Variants in SNX8 observed in about 807,000 individuals in gnomAD.
The protein encoded by SNX8 is sorting nexin 8.
In SNX8, 25 loss-of-function variants were observed where a neutral mutation model predicts 51.6. The ratio of observed to expected loss-of-function variants is 0.48; its 90% CI spans 0.35 to 0.68. SNX8 has a LOEUF of 0.68. SNX8 is among the 30% of genes least tolerant of loss of function. SNX8 has a pLI of 0.00. For missense variants in SNX8, 695 were observed against 624.0 expected, an observed-to-expected ratio of 1.11 and a Z score of -1.21; for synonymous variants, 324 against 277.0, an observed-to-expected ratio of 1.17 and a Z score of -1.68.
intron 1 of SNX8, among the ~76,000 whole-genome samples, chr7:2,282,099 G>A (rs1241480811): frequency 6.6e-6 from 1 of 152,240 alleles, no homozygotes; most frequent in Non-Finnish European, 1.5e-5. Flanking sequence ...ATTCAGTGAG[G>A]TGGGAGAGCT....
At chr7:2,305,030 GCT>G (rs1562449521) in intron 1 of SNX8, among the ~76,000 whole-genome samples, 1 of 152,204 alleles carries the variant, frequency 6.6e-6, no homozygotes, top group East Asian at 1.9e-4. Flanking sequence ...GACAAGCCTT[GCT>G]GTTCCTGCAG....
chr7:2,346,596 A>C (rs905665744), intron 1 of SNX8, among the ~76,000 whole-genome samples: 1 of 151,758 alleles, frequency 6.6e-6, no homozygotes, highest in Non-Finnish European at 1.5e-5. Flanking sequence ...AATACAAAAA[A>C]TTAGCCGGGC....
chr7:2,296,443 C>T (rs1399631564), intron 1 of SNX8, among the ~76,000 whole-genome samples: 1 of 151,934 alleles, frequency 6.6e-6, no homozygotes, highest in African/African-American at 2.4e-5. Context: ...CCTGAAACTT[C>T]ACTGAATTCT....
At chr7:2,290,779 AC>A (rs1409544209) in intron 1 of SNX8, among the ~76,000 whole-genome samples, 2 of 152,134 alleles carry the variant, frequency 1.3e-5, no homozygotes, top group African/African-American at 4.8e-5. Context: ...ACCCTGCCAC[AC>A]TGAGTCCCGA....
In SNX8 at chr7:2,257,438, C is replaced by T. The variant is rs926171918; in HGVS notation, c.1061G>A (p.Arg354Lys). The T allele has an allele frequency of 6.2e-7, 1 of 1,610,684 alleles. No homozygotes were observed. The stretch of plus-strand genomic sequence containing the variant: ...CTGCGCGGTGGCGCTCATCATCTGC[C>T]TCTTCATCAGGCTGTACTTGTGCAG... Reference protein sequence around the residue: ...RALHKYSLMKRQMMSATAQNR... With the variant: ...RALHKYSLMKKQMMSATAQNR... The change falls in exon 9 of 11, where the codon AGG becomes AAG. Residue 354 changes from arginine (R) to lysine (K), a missense_variant. Coordinates refer to ENST00000222990, the MANE Select transcript of SNX8 (RefSeq NM_013321.4).
intron 1 of SNX8, chr7:2,309,939 A>T: frequency 2.2e-6 from 1 of 462,596 alleles, no homozygotes; most frequent in African/African-American, 2.0e-5. Flanking sequence ...GACCTGCCTC[A>T]ATGACACTCA....
At chr7:2,263,777 G>A (rs1012933518) in intron 6 of SNX8, among the ~76,000 whole-genome samples, 4 of 152,002 alleles carry the variant, frequency 2.6e-5, no homozygotes, top group Non-Finnish European at 5.9e-5. Flanking sequence ...GCAGTGGCGC[G>A]ATCTCGGCTC....
At position 2,252,357 on chromosome 7, in the gene SNX8, GC is replaced by G. The variant is rs1477807791; in HGVS notation, c.*2698del. 6.6e-6 allele frequency: 1 copy of G among 152,568 alleles called. No individual in the cohort carries two copies. Among genetic ancestry groups the G allele is most frequent in the Non-Finnish European group, 1.5e-5 (1 of 68,312 alleles). 9.5% of individuals were successfully genotyped at this position (152,568 alleles called of 1,614,324 possible). ...GGGCCTCCACCTGCAGCAGTAAGCA[GC>G]CTCTCAGCCCCTGAGCCTGGGGACC... On this transcript the variant is annotated 3_prime_UTR_variant, in exon 11 of 11. Coordinates refer to ENST00000222990, the MANE Select transcript of SNX8 (RefSeq NM_013321.4).
intron 1 of SNX8, among the ~76,000 whole-genome samples, chr7:2,325,831 CA>C (rs1349653782): frequency 2.0e-5 from 3 of 150,634 alleles, no homozygotes; most frequent in East Asian, 1.9e-4. Flanking sequence ...GACTCTGTCT[CA>C]AAAAAAATTT....
rs1304331491 is a variant in SNX8, at chr7:2,314,428, C to T, written c.-7G>A. 2.5e-6 allele frequency: 3 copies of T among 1,213,520 alleles called. No individual in the cohort carries two copies. Among genetic ancestry groups the T allele is most frequent in the African/African-American group, 3.1e-5 (2 of 63,532 alleles). The allele number at this position is 1,213,520 out of a possible 1,614,324, so 75.2% of individuals were successfully genotyped here. A position where few individuals can be genotyped will look rare whatever the true frequency, so the allele number is the denominator to read the frequency against. ...CCATCGCGCGGCCAGTCATGTGAGC[C>T]CGCGCTCCCACGTGACTTCCTCCCG... On this transcript the variant is annotated 5_prime_UTR_variant, in exon 1 of 11. Coordinates refer to ENST00000222990, the MANE Select transcript of SNX8 (RefSeq NM_013321.4).
In SNX8 at chr7:2,282,230, T is replaced by C. The variant is rs368290856; in HGVS notation, c.95-3925A>G. On this transcript the variant is annotated intron_variant, in intron 1 of 10. Coordinates refer to ENST00000222990, the MANE Select transcript of SNX8 (RefSeq NM_013321.4). ...CACTAAAACTCAGAATGCATTCCCC[T>C]CTCAGCAAGTTTTCGGTGGCGGTCA... Among the ~76,000 whole-genome samples the C allele has an allele frequency of 1.2e-4, 19 of 152,162 alleles. 1 individual carries two copies. The highest frequency in any genetic ancestry group is 1.0e-3 in the Admixed American group (16 of 15,262).
intron 1 of SNX8, among the ~76,000 whole-genome samples, chr7:2,284,870 C>T (rs925293106): frequency 6.6e-6 from 1 of 152,064 alleles, no homozygotes; most frequent in African/African-American, 2.4e-5. Flanking sequence ...TTAAAACCTT[C>T]TCTACTTACA....
chr7:2,302,192 C>G (rs1016025012), intron 1 of SNX8, among the ~76,000 whole-genome samples: 8 of 152,242 alleles, frequency 5.3e-5, no homozygotes, highest in Non-Finnish European at 1.2e-4. Context: ...CGGCTCACTG[C>G]AACCTCCCTG....
chr7:2,284,544 A>G (rs902512934), intron 1 of SNX8, among the ~76,000 whole-genome samples: 7 of 151,616 alleles, frequency 4.6e-5, no homozygotes, highest in Non-Finnish European at 8.8e-5. Flanking sequence ...AGCAGGGACT[A>G]CAGGTGCACA....
chr7:2,346,749 A>AC (rs1319021179), intron 1 of SNX8, among the ~76,000 whole-genome samples: 2 of 149,398 alleles, frequency 1.3e-5, no homozygotes, highest in Non-Finnish European at 3.0e-5. Flanking sequence ...AAAAAAAAAA[A>AC]AAAAAAAAAA....
At chr7:2,298,043 T>C (rs1477479923) in intron 1 of SNX8, among the ~76,000 whole-genome samples, 1 of 152,058 alleles carries the variant, frequency 6.6e-6, no homozygotes, top group Non-Finnish European at 1.5e-5. Flanking sequence ...AATATTTTTT[T>C]AAAAGAAACA....
chr7:2,261,263 T>C (rs1390252529), intron 7 of SNX8, among the ~76,000 whole-genome samples: 1 of 152,114 alleles, frequency 6.6e-6, no homozygotes, highest in Admixed American at 6.5e-5. Flanking sequence ...TGAAACCCCA[T>C]CTCTACTAAA....
At chr7:2,337,094 T>C (rs1455635124) in intron 1 of SNX8, 1 of 152,134 alleles carries the variant, frequency 6.6e-6, no homozygotes. Flanking sequence ...AGAAATGTTC[T>C]GTCTCTTGAT....
intron 1 of SNX8, among the ~76,000 whole-genome samples, chr7:2,321,227 G>C (rs1778504447): frequency 6.6e-6 from 1 of 151,926 alleles, no homozygotes; most frequent in Non-Finnish European, 1.5e-5. Flanking sequence ...GGAAACGGTG[G>C]GGGGAATAAT....
Sources: gnomAD v4.1 joint callset for allele counts (sites outside exome capture counted in the v4.1 genomes callset) on GRCh38, gnomAD v4.1.1 for gene constraint, MANE v1.5 for transcripts, NCBI Gene and HGNC (gene_info 2026-07-23, HGNC 2026-07-21) for gene names.